TJP1: variants seen among roughly 807,000 people sequenced by gnomAD.
The protein encoded by TJP1 is tight junction protein 1, also known as tight junction protein ZO-1.
In TJP1, 43 loss-of-function variants were observed where a neutral mutation model predicts 194.2. That is an observed-to-expected ratio of 0.22 (90% CI 0.17 to 0.29). The LOEUF (loss-of-function observed/expected upper bound fraction) is 0.29, where lower values mean the gene tolerates loss of function less well. Among genes scored for constraint, TJP1 ranks in the 10% least tolerant of loss-of-function variants. TJP1 has a pLI of 1.00. For missense variants in TJP1, 1,971 were observed against 2,185.7 expected (o/e 0.90, Z 1.96); for synonymous variants, 801 against 779.0 (o/e 1.03, Z -0.47).
At chr15:29,736,660 T>C (rs1023428028) in intron 11 of TJP1, among the ~76,000 whole-genome samples, 5 of 152,208 alleles carry the variant, frequency 3.3e-5, no homozygotes, top group Non-Finnish European at 7.4e-5. Flanking sequence ...GAGGACTCTA[T>C]AGACTCTACT....
chr15:29,931,717 G>T (rs1345177434), intron 2 of TJP1, among the ~76,000 whole-genome samples: 1 of 152,166 alleles, frequency 6.6e-6, no homozygotes, highest in Admixed American at 6.5e-5. Context: ...CCCCAAGAGA[G>T]GGTTCTTGGA....
chr15:29,712,975 A>G (rs1323389324), intron 23 of TJP1, among the ~76,000 whole-genome samples: 1 of 152,164 alleles, frequency 6.6e-6, no homozygotes, highest in African/African-American at 2.4e-5. Context: ...GTTCCTTTCT[A>G]GCAAGACCTC....
At chr15:29,806,096 T>C (rs1239225779) in intron 1 of TJP1, among the ~76,000 whole-genome samples, 1 of 152,168 alleles carries the variant, frequency 6.6e-6, no homozygotes, top group East Asian at 1.9e-4. Flanking sequence ...GATATAAGAA[T>C]TCATCCTGAA....
chr15:29,939,209 A>C (rs757174576), intron 2 of TJP1, among the ~76,000 whole-genome samples: 24 of 152,150 alleles, frequency 1.6e-4, no homozygotes, highest in Non-Finnish European at 2.6e-4. Context: ...CTCAATTTAA[A>C]TGGCATCTTT....
chr15:29,902,690 C>G (rs2053670256), intron 2 of TJP1, among the ~76,000 whole-genome samples: 2 of 152,120 alleles, frequency 1.3e-5, no homozygotes, highest in South Asian at 2.1e-4. Flanking sequence ...TGGAAATCAA[C>G]AAGTCAGCAA....
chr15:29,739,589 G>T (rs1025814301), intron 10 of TJP1, among the ~76,000 whole-genome samples: 1 of 151,728 alleles, frequency 6.6e-6, no homozygotes, highest in Non-Finnish European at 1.5e-5. Context: ...GACTACAGGC[G>T]CCCGCCACCA....
At chr15:29,864,264 A>AAAAAAGG in intron 2 of TJP1, among the ~76,000 whole-genome samples, 1 of 147,040 alleles carries the variant, frequency 6.8e-6, no homozygotes, top group African/African-American at 2.6e-5. Flanking sequence ...AAAAAAAAAA[A>AAAAAAGG]GCTGGGTGTG....
rs753991857 is a variant in TJP1 at position 29,766,435 on chromosome 15, T to A, written c.420A>T (p.Arg140Ser). 60 of 1,614,160 alleles carry A rather than the reference T, an allele frequency of 3.7e-5. No homozygotes were observed. The highest frequency in any genetic ancestry group is 4.9e-5 in the Non-Finnish European group (58 of 1,180,014). ...TGTTAACCACACCACTCCGGCCACT[T>A]CTTGGATCATGTATTTCCTCATCAT... is the stretch of plus-strand genomic sequence containing the variant. ...DSYDEEIHDPRSGRSGVVNRR... is the reference protein window; with the variant it reads ...DSYDEEIHDPSSGRSGVVNRR... Residue 140 changes from arginine to serine, a missense_variant, in exon 5 of 28, where the codon AGA becomes AGT. By Grantham distance (110) the Arg-to-Ser change is moderately radical. This residue lies in a region of TJP1 where 245 missense variants were observed against 336.6 expected (regional missense o/e 0.73). Coordinates refer to ENST00000614355, the MANE Select transcript of TJP1 (RefSeq NM_001330239.4).
chr15:29,891,942 G>A (rs182296347), intron 2 of TJP1, among the ~76,000 whole-genome samples: 20 of 152,262 alleles, frequency 1.3e-4, no homozygotes, highest in African/African-American at 4.8e-4. Context: ...TAAAAGGTCC[G>A]TCATATTAAA....
rs952467049 is a variant in TJP1, at chr15:29,881,024, A to T, written c.306+75208T>A. Among the ~76,000 whole-genome samples, 3 of 152,158 alleles carry T rather than the reference A, an allele frequency of 2.0e-5. No individual in the cohort carries two copies. In the East Asian group the frequency reaches 5.8e-4, roughly 29 times the overall value. On this transcript the variant is annotated intron_variant, in intron 2 of 28. Coordinates refer to the TJP1 transcript ENST00000356107. ...TTTTGAACAGCTCCAGCTGTTTTCCATAACTGTGGCATTTTACACTCCCAC... is the reference window on the plus strand; with the variant it reads ...TTTTGAACAGCTCCAGCTGTTTTCCTTAACTGTGGCATTTTACACTCCCAC...
chr15:29,946,347 T>C (rs2055282038), intron 2 of TJP1, among the ~76,000 whole-genome samples: 1 of 152,184 alleles, frequency 6.6e-6, no homozygotes, highest in Non-Finnish European at 1.5e-5. Context: ...GGCTAGTGGA[T>C]GAAAGTCTGA....
intron 4 of TJP1, among the ~76,000 whole-genome samples, chr15:29,769,780 T>C (rs1595829898): frequency 6.6e-6 from 1 of 152,158 alleles, no homozygotes; most frequent in Admixed American, 6.5e-5. Context: ...ATGCTGCCAG[T>C]GGAATAGAAG....
chr15:29,804,156 TTATA>T (rs1362748540), intron 1 of TJP1, among the ~76,000 whole-genome samples: 7 of 152,256 alleles, frequency 4.6e-5, no homozygotes, highest in African/African-American at 1.2e-4. Context: ...CCATGGTTGT[TTATA>T]TAACCAGGCA....
chr15:29,941,543 C>T (rs1051367664), intron 2 of TJP1, among the ~76,000 whole-genome samples: 2 of 152,174 alleles, frequency 1.3e-5, no homozygotes, highest in Non-Finnish European at 2.9e-5. Flanking sequence ...TTTCCTTCAA[C>T]CAGCTGGTGT....
chr15:29,801,555 G>C (rs904901933), intron 1 of TJP1, among the ~76,000 whole-genome samples: 1 of 149,752 alleles, frequency 6.7e-6, no homozygotes, highest in East Asian at 2.0e-4. Context: ...TCCGCCTCCC[G>C]GGTTCACGCC....
In TJP1 at chr15:29,915,855, A is replaced by C. The variant is rs2054166999; in HGVS notation, c.306+40377T>G. ...AAGATACTAGAGAGTAAAACATTCAAGTTGTAACTACTGAAATTAAATTTG... is the reference window on the plus strand; with the variant it reads ...AAGATACTAGAGAGTAAAACATTCACGTTGTAACTACTGAAATTAAATTTG... On this transcript the variant is annotated intron_variant, in intron 2 of 28. Coordinates refer to the TJP1 transcript ENST00000356107. Among the ~76,000 whole-genome samples the C allele has an allele frequency of 3.3e-5, 5 of 152,240 alleles. No homozygotes were observed. In the South Asian group the frequency reaches 1.0e-3, roughly 32 times the overall value.
At chr15:29,884,864 T>C (rs1203252615) in intron 2 of TJP1, among the ~76,000 whole-genome samples, 1 of 152,166 alleles carries the variant, frequency 6.6e-6, no homozygotes, top group Non-Finnish European at 1.5e-5. Flanking sequence ...CTGGTTCAGA[T>C]GACCCAGATG....
chr15:29,959,117 G>A (rs2056063025), intron 1 of TJP1, among the ~76,000 whole-genome samples: 1 of 151,816 alleles, frequency 6.6e-6, no homozygotes. Flanking sequence ...AGCCTCCCGG[G>A]CAGCTGGGAC....
intron 2 of TJP1, among the ~76,000 whole-genome samples, chr15:29,930,572 A>G (rs1366604444): frequency 6.7e-6 from 1 of 148,704 alleles, no homozygotes; most frequent in Admixed American, 6.7e-5. Context: ...CCAACAGAGG[A>G]TTTCTCTAAC....
Sources: allele counts gnomAD v4.1 joint callset (sites outside exome capture counted in the v4.1 genomes callset), GRCh38; gene constraint gnomAD v4.1.1; regional missense constraint gnomAD v4.1.1; transcripts MANE v1.5; gene names NCBI Gene and HGNC (gene_info 2026-07-23, HGNC 2026-07-21).